The following TRIM63 variants were observed in gnomAD, a reference collection of about 807,000 sequenced individuals.
TRIM63 encodes tripartite motif containing 63.
A neutral mutation model predicts 46.0 loss-of-function variants in TRIM63; 48 were observed. The ratio of observed to expected loss-of-function variants is 1.04; its 90% CI spans 0.83 to 1.33. The LOEUF (loss-of-function observed/expected upper bound fraction) is 1.33, where lower values mean the gene tolerates loss of function less well. TRIM63 is among the 40% of genes most tolerant of loss of function. TRIM63 has a pLI of 0.00. For synonymous variants in TRIM63, 175 were observed against 162.8 expected (o/e 1.08, Z -0.57); for missense variants, 455 against 441.2 (o/e 1.03, Z -0.28).
At chr1:26,060,168 C>T (rs2050609799) in intron 4 of TRIM63, 98 bp downstream of exon 4, 4 of 1,088,112 alleles carry the variant, frequency 3.7e-6, no homozygotes, top group South Asian at 1.3e-5. Flanking sequence ...GGCTCCGGGC[C>T]CCAACCTTTA....
At chr1:26,058,881 A>C (rs897614576) in intron 4 of TRIM63, among the ~76,000 whole-genome samples, 1 of 152,156 alleles carries the variant, frequency 6.6e-6, no homozygotes, top group African/African-American at 2.4e-5. Flanking sequence ...TAGAGGCTCT[A>C]GGGTCACATG....
At chr1:26,059,347 C>T (rs1220821214) in intron 4 of TRIM63, among the ~76,000 whole-genome samples, 1 of 152,012 alleles carries the variant, frequency 6.6e-6, no homozygotes, top group African/African-American at 2.4e-5. Flanking sequence ...GCTGTGTTTC[C>T]CTTTTAGCTG....
chr1:26,051,727 T>A lies in TRIM63; in HGVS notation c.*146A>T. On this transcript the variant is annotated 3_prime_UTR_variant, in exon 9 of 9. Transcript: ENST00000374272. ...GAGGGTCCTACCCTAGTCCCTGCTC[T>A]CTGAGCAGAGAGAAGACATCACCTC... 1 of 530,512 alleles carries A rather than the reference T, an allele frequency of 1.9e-6. No homozygotes were observed. The highest frequency in any genetic ancestry group is 3.5e-5 in the East Asian group (1 of 28,612). 32.9% of individuals were successfully genotyped at this position (530,512 alleles called of 1,614,324 possible).
In TRIM63 at chr1:26,067,623, C is replaced by T. The variant is rs4543781; in HGVS notation, c.-129G>A. On this transcript the variant is annotated 5_prime_UTR_variant, in exon 1 of 9. Coordinates refer to ENST00000374272, the MANE Select transcript of TRIM63 (RefSeq NM_032588.4). ...CTGTTGGCTTCCTTCTCCTGGTGCC[C>T]GAATTCTGTCTTGGTCTGAGGCCCC... 8 of 1,019,988 alleles carry T rather than the reference C, an allele frequency of 7.8e-6. No individual in the cohort carries two copies. Among genetic ancestry groups the T allele is most frequent in the African/African-American group, 3.3e-5 (2 of 61,508 alleles). The allele number at this position is 1,019,988 out of a possible 1,614,324, so 63.2% of individuals were successfully genotyped here.
At position 26,067,562 on chromosome 1, in the gene TRIM63, G is replaced by C. The variant is rs1020142235; in HGVS notation, c.-68C>G. ...CTAACTTTGCTCTAAGTAGACCTGG[G>C]GGTCTTGCCTTTGTCACAAAACACC... is the stretch of plus-strand genomic sequence containing the variant. On this transcript the variant is annotated 5_prime_UTR_variant, in exon 1 of 9. Transcript: ENST00000374272. The C allele has an allele frequency of 6.5e-7, 1 of 1,548,884 alleles. No individual in the cohort carries two copies. The highest frequency in any genetic ancestry group is 1.8e-5 in the Admixed American group (1 of 54,996).
At position 26,058,618 on chromosome 1, in the gene TRIM63, G is replaced by C; in HGVS notation, c.603C>G (p.Asn201Lys). 6.2e-7 allele frequency: 1 copy of C among 1,613,980 alleles called. No individual in the cohort carries two copies. The highest frequency in any genetic ancestry group is 1.1e-5 in the South Asian group (1 of 91,080). The change falls in exon 5 of 9, where the codon AAC (asparagine) becomes AAG (lysine). Residue 201 changes from asparagine to lysine, a missense_variant. Physicochemically the swap from Asn to Lys is moderately conservative, Grantham distance 94. Coordinates refer to ENST00000374272, the MANE Select transcript of TRIM63 (RefSeq NM_032588.4). Reference sequence around the variant, plus strand: ...TCAGCTCTTCCTTTACCTGGTGACTGTTCTCCTGAGGACGGAAGTCTTGTG... The same window carrying C: ...TCAGCTCTTCCTTTACCTGGTGACTCTTCTCCTGAGGACGGAAGTCTTGTG... The part of the protein sequence containing the change: ...LEDSRRVTKE[N>K]SHQVKEELSQ...
At chr1:26,053,789 C>T (rs529333985) in intron 8 of TRIM63, 104 bp downstream of exon 8, 92 of 857,664 alleles carry the variant, frequency 1.1e-4, no homozygotes, top group African/African-American at 7.5e-4. Flanking sequence ...CAGTTCTGAG[C>T]GTCATTGCCA....
intron 4 of TRIM63, among the ~76,000 whole-genome samples, 167 bp downstream of exon 4, chr1:26,060,099 G>T (rs2050608840): frequency 6.6e-6 from 1 of 152,104 alleles, no homozygotes; most frequent in South Asian, 2.1e-4. Flanking sequence ...AGAAGCATTT[G>T]TTGAGAGACT....
rs2050690480 is a variant in TRIM63, at chr1:26,067,612, C to A, written c.-118G>T. On this transcript the variant is annotated 5_prime_UTR_variant, in exon 1 of 9. Coordinates refer to ENST00000374272, the MANE Select transcript of TRIM63 (RefSeq NM_032588.4). Reference sequence around the variant, plus strand: ...CGGGTCGGATCCTGTTGGCTTCCTTCTCCTGGTGCCCGAATTCTGTCTTGG... The same window carrying A: ...CGGGTCGGATCCTGTTGGCTTCCTTATCCTGGTGCCCGAATTCTGTCTTGG... 9.8e-6 allele frequency: 11 copies of A among 1,121,510 alleles called. No homozygotes were observed. Among genetic ancestry groups the A allele is most frequent in the Non-Finnish European group, 1.4e-5 (11 of 800,094 alleles). 69.5% of individuals were successfully genotyped at this position (1,121,510 alleles called of 1,614,324 possible).
At chr1:26,056,889 A>G (rs1196894692) in intron 7 of TRIM63, among the ~76,000 whole-genome samples, 1 of 151,928 alleles carries the variant, frequency 6.6e-6, no homozygotes, top group Non-Finnish European at 1.5e-5. Flanking sequence ...CAGCTTCCCA[A>G]GTAGCTGGAA....
Position 26,067,592 on chromosome 1 carries a change from C to T in TRIM63, c.-98G>A, listed in dbSNP as rs140414331. 223 of 1,398,590 alleles carry T rather than the reference C, an allele frequency of 1.6e-4. 1 individual carries two copies. In the African/African-American group the frequency reaches 2.6e-3, roughly 17 times the overall value. The allele number at this position is 1,398,590 out of a possible 1,614,324, so 86.6% of individuals were successfully genotyped here. A position where few individuals can be genotyped will look rare whatever the true frequency, so the allele number is the denominator to read the frequency against. ...TTGCCTTTGTCACAAAACACCGGGTCGGATCCTGTTGGCTTCCTTCTCCTG... is the reference window on the plus strand; with the variant it reads ...TTGCCTTTGTCACAAAACACCGGGTTGGATCCTGTTGGCTTCCTTCTCCTG... On this transcript the variant is annotated 5_prime_UTR_variant, in exon 1 of 9. Coordinates refer to ENST00000374272, the MANE Select transcript of TRIM63 (RefSeq NM_032588.4).
At chr1:26,060,195 G>A (rs2050610049) in intron 4 of TRIM63, 71 bp downstream of exon 4, 1 of 1,419,542 alleles carries the variant, frequency 7.0e-7, no homozygotes, top group South Asian at 1.2e-5. Context: ...ACCTATGGGT[G>A]AGCCTTCCCC....
intron 2 of TRIM63, among the ~76,000 whole-genome samples, chr1:26,064,146 A>G (rs2050652984): frequency 6.6e-6 from 1 of 152,150 alleles, no homozygotes; most frequent in African/African-American, 2.4e-5. Context: ...AAATACAAAA[A>G]TTAGCTGGGT....
At chr1:26,066,793 G>A (rs1014783204) in intron 1 of TRIM63, among the ~76,000 whole-genome samples, 1 of 152,052 alleles carries the variant, frequency 6.6e-6, no homozygotes, top group African/African-American at 2.4e-5. Context: ...TATCGTGAAA[G>A]AACATTTTGT....
At position 26,066,299 on chromosome 1, in the gene TRIM63, T is replaced by C. The variant is rs1168521567; in HGVS notation, c.301A>G (p.Ile101Val). 3 of 1,613,974 alleles carry C rather than the reference T, an allele frequency of 1.9e-6. No individual in the cohort carries two copies. Among genetic ancestry groups the C allele is most frequent in the African/African-American group, 1.3e-5 (1 of 74,904 alleles). ...CACTCCTGTTTGTAGATGTCGATGA[T>C]GTTCTCCACCAGCAGGTTCCTCTGC... ...GLQRNLLVEN[I>V]IDIYKQECSS... The change falls in exon 2 of 9, where the codon ATC becomes GTC. Residue 101 changes from isoleucine to valine, a missense_variant. By Grantham distance (29) the Ile-to-Val change is conservative. Transcript: ENST00000374272.
intron 7 of TRIM63, among the ~76,000 whole-genome samples, chr1:26,054,676 G>A (rs2050552700): frequency 6.6e-6 from 1 of 152,198 alleles, no homozygotes; most frequent in South Asian, 2.1e-4. Context: ...TTTGTCAAGA[G>A]TATCTTCAGG....
chr1:26,055,778 T>C (rs1251456672), intron 7 of TRIM63, among the ~76,000 whole-genome samples: 1 of 152,118 alleles, frequency 6.6e-6, no homozygotes, highest in Non-Finnish European at 1.5e-5. Flanking sequence ...CCCAAAGTGC[T>C]GAGATTACAG....
intron 2 of TRIM63, among the ~76,000 whole-genome samples, chr1:26,065,928 A>T (rs896502646): frequency 6.6e-6 from 1 of 152,098 alleles, no homozygotes; most frequent in Non-Finnish European, 1.5e-5. Flanking sequence ...CTTATAGACA[A>T]CCTGGCTGTT....
In TRIM63 at chr1:26,057,227, G is replaced by A. The variant is rs1186438352; in HGVS notation, c.955C>T (p.Leu319=). The change falls in exon 7 of 9, where the codon CTG becomes TTG. Residue 319 remains leucine, a synonymous_variant. Coordinates refer to ENST00000374272, the MANE Select transcript of TRIM63 (RefSeq NM_032588.4). ...TLDLEHIADA[L]RAIDFGTDEE... Reference sequence around the variant, plus strand: ...CCTGTCCCAAAGTCAATGGCTCTCAGGGCGTCTGCTATGTGCTCTAAATCC... The same window carrying A: ...CCTGTCCCAAAGTCAATGGCTCTCAAGGCGTCTGCTATGTGCTCTAAATCC... The A allele has an allele frequency of 1.9e-6, 3 of 1,614,176 alleles. No homozygotes were observed. The highest frequency in any genetic ancestry group is 4.5e-5 in the East Asian group (2 of 44,886).
Sources: gnomAD v4.1 joint callset for allele counts (sites outside exome capture counted in the v4.1 genomes callset) on GRCh38, gnomAD v4.1.1 for gene constraint, MANE v1.5 for transcripts, NCBI Gene and HGNC (gene_info 2026-07-23, HGNC 2026-07-21) for gene names.